Variants in NUP153 observed in about 807,000 individuals in gnomAD.
NUP153 encodes nuclear pore complex protein Nup153.
NUP153 carries 27 observed loss-of-function variants against 134.6 expected under a neutral mutation model. That is an observed-to-expected ratio of 0.20 (90% confidence interval 0.15 to 0.28). The LOEUF (loss-of-function observed/expected upper bound fraction) is 0.28. NUP153 is among the 10% of genes least tolerant of loss of function. The pLI is 1.00. For synonymous variants in NUP153, 640 were observed against 623.5 expected (o/e 1.03, Z -0.40); for missense variants, 1,821 against 1,731.3 (o/e 1.05, Z -0.92).
chr6:17,620,369 T>C (rs1457088996), intron 20 of NUP153, among the ~76,000 whole-genome samples: 3 of 152,058 alleles, frequency 2.0e-5, no homozygotes, highest in Admixed American at 2.0e-4. Context: ...TTTTCGACAA[T>C]GATGACAAGA....
chr6:17,651,112 A>C (rs1010761224), intron 11 of NUP153, among the ~76,000 whole-genome samples: 6 of 152,160 alleles, frequency 3.9e-5, no homozygotes, highest in African/African-American at 1.2e-4. Context: ...CAGTCTGGGC[A>C]ACACAGCAAG....
At chr6:17,660,318 A>G (rs563951592) in intron 11 of NUP153, among the ~76,000 whole-genome samples, 1 of 152,316 alleles carries the variant, frequency 6.6e-6, no homozygotes, top group Admixed American at 6.5e-5. Context: ...TGAAATTTTA[A>G]TTAGAAACAA....
In NUP153 at chr6:17,675,164, A is replaced by AG; in HGVS notation, c.723+64_723+65insC. On this transcript the variant is annotated intron_variant, in intron 4 of 21. Coordinates refer to ENST00000262077, the MANE Select transcript of NUP153 (RefSeq NM_005124.4). The surrounding 1 kb of genome is among the most constrained non-coding windows in gnomAD (Gnocchi z 4.4). The stretch of plus-strand genomic sequence containing the variant: ...AAAGACTCTTGTCTCAGAAAAAAAA[A>AG]AAAAAATTATAAGCAATAAACACTC... The AG allele has an allele frequency of 1.3e-6, 2 of 1,569,868 alleles. No individual in the cohort carries two copies. The highest frequency in any genetic ancestry group is 2.2e-5 in the East Asian group (1 of 44,486).
In NUP153 at chr6:17,616,652, G is replaced by A. The variant is rs149664123; in HGVS notation, c.4218C>T (p.Phe1406=). 3,740 of 1,613,874 alleles carry A rather than the reference G, an allele frequency of 2.3e-3. 6 individuals are homozygous for A. Among genetic ancestry groups the A allele is most frequent in the Admixed American group, 5.9e-3 (354 of 60,000 alleles). Residue 1406 remains phenylalanine, a synonymous_variant, in exon 21 of 22, where the codon TTC becomes TTT. Transcript: ENST00000262077. The part of the protein sequence containing the change: ...QFGSSTTNFN[F]TNNSPSGVFT... ...ACACTCCTGATGGACTGTTGTTTGT[G>A]AAGTTGAAATTTGTAGTGCTGCTGC...
intron 20 of NUP153, among the ~76,000 whole-genome samples, chr6:17,617,465 T>TAA (rs71002233): frequency 0.015 from 1,562 of 105,720 alleles, 34 homozygotes; most frequent in African/African-American, 0.046. Context: ...TAGTGGGAAT[T>TAA]AAAAAAAAAA....
chr6:17,653,232 G>A (rs1404674480), intron 11 of NUP153, among the ~76,000 whole-genome samples: 2 of 151,988 alleles, frequency 1.3e-5, no homozygotes, highest in African/African-American at 4.8e-5. Flanking sequence ...CAGCCTGGGC[G>A]ACAGAGCGAG....
intron 12 of NUP153, among the ~76,000 whole-genome samples, chr6:17,648,938 T>C (rs1025026318): frequency 2.0e-5 from 3 of 152,182 alleles, no homozygotes; most frequent in Non-Finnish European, 4.4e-5. Flanking sequence ...TACAAGAATA[T>C]CCTTCTCTAT....
chr6:17,654,995 G>A (rs1230518384), intron 11 of NUP153, among the ~76,000 whole-genome samples: 1 of 152,070 alleles, frequency 6.6e-6, no homozygotes, highest in African/African-American at 2.4e-5. Flanking sequence ...TTTGACCAAG[G>A]TCACCCAGCT....
chr6:17,640,187 C>G, intron 14 of NUP153, 123 bp from the exon 15 acceptor site: 1 of 716,590 alleles, frequency 1.4e-6, no homozygotes. Flanking sequence ...AAAAAAGTCA[C>G]TTTAATTCAA....
intron 2 of NUP153, among the ~76,000 whole-genome samples, chr6:17,677,377 A>G (rs1768280759): frequency 6.6e-6 from 1 of 152,054 alleles, no homozygotes; most frequent in East Asian, 1.9e-4. Context: ...TAAAAACTCA[A>G]TGTATAGAAA....
intron 14 of NUP153, among the ~76,000 whole-genome samples, chr6:17,642,614 G>C (rs550575904): frequency 8.5e-5 from 13 of 152,282 alleles, no homozygotes; most frequent in East Asian, 7.7e-4. Flanking sequence ...AACTACTGTG[G>C]AAAACAGTTT....
At position 17,615,639 on chromosome 6, in the gene NUP153, A is replaced by G. The variant is rs1764271841; in HGVS notation, c.*458T>C. 1 of 153,520 alleles carries G rather than the reference A, an allele frequency of 6.5e-6. No homozygotes were observed. Among genetic ancestry groups the G allele is most frequent in the Admixed American group, 6.5e-5 (1 of 15,312 alleles). 9.5% of individuals were successfully genotyped at this position (153,520 alleles called of 1,614,324 possible). A position where few individuals can be genotyped will look rare whatever the true frequency, so the allele number is the denominator to read the frequency against. The stretch of plus-strand genomic sequence containing the variant: ...ACTCACTTCACACATACACCAGCAC[A>G]AACTCAGCATAGAAATCATCCGTTT... On this transcript the variant is annotated 3_prime_UTR_variant, in exon 22 of 22. Transcript: ENST00000262077. The surrounding 1 kb of genome is among the most constrained non-coding windows in gnomAD (Gnocchi z 5.7).
chr6:17,668,533 T>C (rs1489988317), intron 8 of NUP153, among the ~76,000 whole-genome samples: 1 of 151,780 alleles, frequency 6.6e-6, no homozygotes, highest in Non-Finnish European at 1.5e-5. Context: ...GAGAGTAAAA[T>C]GTCCAAGTAG....
intron 16 of NUP153, among the ~76,000 whole-genome samples, chr6:17,635,778 A>C (rs141795377): frequency 5.3e-5 from 8 of 152,320 alleles, no homozygotes; most frequent in African/African-American, 1.9e-4. Flanking sequence ...CATTATCTAA[A>C]AAGCCAGTGA....
intron 9 of NUP153, 80 bp downstream of exon 9, chr6:17,665,159 T>C: frequency 1.9e-6 from 2 of 1,034,728 alleles, no homozygotes; most frequent in Non-Finnish European, 1.4e-6. Context: ...TAGAATACAA[T>C]GGTAGTTATA....
intron 17 of NUP153, among the ~76,000 whole-genome samples, chr6:17,630,007 G>A (rs896301306): frequency 1.3e-5 from 2 of 152,154 alleles, no homozygotes; most frequent in Admixed American, 6.5e-5. Flanking sequence ...AGCTATAAAC[G>A]AAGAAGGAAG....
chr6:17,649,747 T>C (rs978739225), intron 11 of NUP153, among the ~76,000 whole-genome samples: 7 of 152,206 alleles, frequency 4.6e-5, no homozygotes, highest in African/African-American at 9.6e-5. Context: ...AGTGTTATAA[T>C]TGTTCTATTT....
At chr6:17,701,130 C>G (rs964206310) in intron 1 of NUP153, among the ~76,000 whole-genome samples, 1 of 151,544 alleles carries the variant, frequency 6.6e-6, no homozygotes, top group Non-Finnish European at 1.5e-5. Flanking sequence ...GAGGCTGAAG[C>G]AGGAGAGTTG....
Position 17,680,840 on chromosome 6 carries a change from G to A in NUP153, c.335-5070C>T, listed in dbSNP as rs1490320423. ...TGTTGTTGGTGGGAATTATCAATTA[G>A]TACAGCCATCATGGAGAACATCATT... On this transcript the variant is annotated intron_variant, in intron 2 of 21. Coordinates refer to ENST00000262077, the MANE Select transcript of NUP153 (RefSeq NM_005124.4). The surrounding 1 kb of genome is among the most constrained non-coding windows in gnomAD (Gnocchi z 4.5). 6.6e-6 allele frequency among the ~76,000 whole-genome samples: 1 copy of A among 152,220 alleles called. No individual in the cohort carries two copies. Among genetic ancestry groups the A allele is most frequent in the African/African-American group, 2.4e-5 (1 of 41,446 alleles).
Sources: gnomAD v4.1 joint callset for allele counts (sites outside exome capture counted in the v4.1 genomes callset) on GRCh38, gnomAD v4.1.1 for gene constraint, Gnocchi (gnomAD v3.1) non-coding constraint, MANE v1.5 for transcripts, NCBI Gene and HGNC (gene_info 2026-07-23, HGNC 2026-07-21) for gene names.